TEX11: variants seen among roughly 807,000 people sequenced by gnomAD.
TEX11 encodes the protein testis expressed 11.
Under a neutral mutation model 84.4 loss-of-function variants are expected in TEX11, and 7 were observed. The ratio of observed to expected loss-of-function variants is 0.08; its 90% CI spans 0.05 to 0.16. The LOEUF (loss-of-function observed/expected upper bound fraction) is 0.16. Ranked by LOEUF, TEX11 falls within the 10% of genes least tolerant of loss-of-function variation. The pLI is 1.00. For synonymous variants in TEX11, 264 were observed against 222.8 expected (o/e 1.18, Z -1.64); for missense variants, 551 against 660.5 (o/e 0.83, Z 1.82).
chrX:70,879,491 T>C (rs1432438895), intron 3 of TEX11, among the ~76,000 whole-genome samples: 1 of 110,714 alleles, frequency 9.0e-6, no homozygotes, highest in Non-Finnish European at 1.9e-5. Context: ...ACAGCTTCCA[T>C]ATTAAGTAAG....
chrX:70,811,871 T>C (rs922952686), intron 8 of TEX11, among the ~76,000 whole-genome samples: 1 of 111,445 alleles, frequency 9.0e-6, no homozygotes, highest in Non-Finnish European at 1.9e-5. Flanking sequence ...GTTGATGGGG[T>C]TGTTTGTTTA....
At chrX:70,746,597 G>A (rs1448344722) in intron 9 of TEX11, among the ~76,000 whole-genome samples, 1 of 112,338 alleles carries the variant, frequency 8.9e-6, no homozygotes, top group Non-Finnish European at 1.9e-5. Flanking sequence ...AGAAAGAACA[G>A]AAGCAAAGAG....
At chrX:70,533,073 A>ATAAAG (rs2087909846) in intron 28 of TEX11, among the ~76,000 whole-genome samples, 1 of 111,818 alleles carries the variant, frequency 8.9e-6, no homozygotes, top group African/African-American at 3.2e-5. Flanking sequence ...ATAAAATAAA[A>ATAAAG]TAAAAGGAGT....
chrX:70,782,842 G>A lies in TEX11; in HGVS notation c.692+23863C>T, dbSNP rs1273687990. On this transcript the variant is annotated intron_variant, in intron 9 of 29. Coordinates refer to ENST00000374333, the MANE Select transcript of TEX11 (RefSeq NM_031276.3). ...CCATATTCACAAAACAATCCTTAGA[G>A]ACCTACAAAGAGACTTAGACTCCCA... 2.7e-5 allele frequency among the ~76,000 whole-genome samples: 3 copies of A among 109,853 alleles called. No homozygotes were observed. In the Admixed American group the frequency reaches 3.0e-4, roughly 11 times the overall value.
intron 25 of TEX11, among the ~76,000 whole-genome samples, chrX:70,584,783 GA>G (rs1349708478): frequency 9.0e-6 from 1 of 111,528 alleles, no homozygotes; most frequent in African/African-American, 3.3e-5. Context: ...TAGAAAAAAG[GA>G]AAAAAGGTCA....
intron 9 of TEX11, among the ~76,000 whole-genome samples, chrX:70,754,736 GGAGAGAGA>G (rs747585067): frequency 9.2e-6 from 1 of 108,750 alleles, no homozygotes; most frequent in Non-Finnish European, 1.9e-5. Context: ...AGGTAGCTCA[GGAGAGAGA>G]GAGAGAGAGA....
intron 11 of TEX11, among the ~76,000 whole-genome samples, chrX:70,729,147 CA>C (rs1466256185): frequency 9.8e-6 from 1 of 101,971 alleles, no homozygotes; most frequent in Non-Finnish European, 2.0e-5. Context: ...ACATGCACAC[CA>C]AAACCCCATC....
At chrX:70,727,946 C>T (rs1453079274) in intron 11 of TEX11, among the ~76,000 whole-genome samples, 2 of 112,476 alleles carry the variant, frequency 1.8e-5, no homozygotes, top group Non-Finnish European at 3.8e-5. Flanking sequence ...TTAGTTATAA[C>T]AGCTCAAGCT....
chrX:70,867,096 G>A (rs962528516), intron 4 of TEX11, among the ~76,000 whole-genome samples: 2 of 111,848 alleles, frequency 1.8e-5, no homozygotes, highest in Non-Finnish European at 3.8e-5. Context: ...TGTGTTTGCA[G>A]ATGACATAAT....
At chrX:70,817,833 A>G (rs2091297366) in intron 8 of TEX11, among the ~76,000 whole-genome samples, 1 of 111,776 alleles carries the variant, frequency 8.9e-6, no homozygotes, top group Admixed American at 9.5e-5. Flanking sequence ...AAGGAATACA[A>G]AATAAGCCTG....
At chrX:70,850,915 GATAAAA>G (rs2091505013) in intron 7 of TEX11, among the ~76,000 whole-genome samples, 1 of 111,704 alleles carries the variant, frequency 9.0e-6, no homozygotes, top group Non-Finnish European at 1.9e-5. Context: ...ACAAAAAAAA[GATAAAA>G]ATAAATAAAT....
chrX:70,682,441 G>T (rs2045830605), intron 14 of TEX11, among the ~76,000 whole-genome samples: 1 of 111,582 alleles, frequency 9.0e-6, no homozygotes, highest in Non-Finnish European at 1.9e-5. Flanking sequence ...TTTAAGCTCA[G>T]AAGTTTGTCT....
chrX:70,715,531 T>C (rs1189305741), intron 13 of TEX11, among the ~76,000 whole-genome samples: 1 of 111,777 alleles, frequency 8.9e-6, no homozygotes, highest in Non-Finnish European at 1.9e-5. Context: ...CTCACTTCAT[T>C]TCATTCATTT....
intron 28 of TEX11, among the ~76,000 whole-genome samples, chrX:70,534,772 T>C (rs1372718353): frequency 1.8e-5 from 2 of 112,274 alleles, no homozygotes; most frequent in African/African-American, 6.5e-5. Context: ...TTTATTAAGA[T>C]ACAATTAAAT....
At chrX:70,618,405 G>T (rs1180476557) in intron 20 of TEX11, among the ~76,000 whole-genome samples, 1 of 111,403 alleles carries the variant, frequency 9.0e-6, no homozygotes, top group Admixed American at 9.5e-5. Context: ...CGAAATTAGT[G>T]GGCATCTGGG....
intron 5 of TEX11, 62 bp from the exon 6 acceptor site, chrX:70,853,390 G>A: frequency 1.3e-6 from 1 of 769,146 alleles, no homozygotes; most frequent in Admixed American, 2.7e-5. Context: ...ATTGGTGGGG[G>A]AATATTGGAG....
At chrX:70,653,452 A>G (rs1378585055) in intron 16 of TEX11, among the ~76,000 whole-genome samples, 3 of 112,443 alleles carry the variant, frequency 2.7e-5, no homozygotes, top group African/African-American at 6.4e-5. Flanking sequence ...TTAACATCTT[A>G]TGTCATTAGG....
chrX:70,625,777 T>TC (rs2089443489), intron 18 of TEX11, among the ~76,000 whole-genome samples: 3 of 33,928 alleles, frequency 8.8e-5, no homozygotes, highest in Admixed American at 7.8e-4. Flanking sequence ...TTTCTTTTTC[T>TC]TTTTTTTTTT....
intron 11 of TEX11, among the ~76,000 whole-genome samples, chrX:70,738,807 G>A (rs754507231): frequency 7.2e-5 from 8 of 111,516 alleles, no homozygotes; most frequent in Non-Finnish European, 1.1e-4. Context: ...CAGGGACATG[G>A]ATGAAGCTGG....
Sources: gnomAD v4.1 joint callset for allele counts (sites outside exome capture counted in the v4.1 genomes callset) on GRCh38, gnomAD v4.1.1 for gene constraint, MANE v1.5 for transcripts, NCBI Gene and HGNC (gene_info 2026-07-23, HGNC 2026-07-21) for gene names.